NSL1: variants seen among roughly 807,000 people sequenced by gnomAD.
The protein encoded by NSL1 is NSL1 component of MIS12 kinetochore complex.
In NSL1, 11 loss-of-function variants were observed where a neutral mutation model predicts 25.4. The ratio of observed to expected loss-of-function variants is 0.43; its 90% CI spans 0.27 to 0.72. The LOEUF (loss-of-function observed/expected upper bound fraction) is 0.72. NSL1 is among the 30% of genes least tolerant of loss of function. The pLI is 0.19. For synonymous variants in NSL1, 118 were observed against 120.6 expected, an observed-to-expected ratio of 0.98 and a Z score of 0.14; for missense variants, 330 against 342.7, an observed-to-expected ratio of 0.96 and a Z score of 0.29.
Position 212,731,651 on chromosome 1 carries a change from A to T in NSL1, c.*6757T>A, listed in dbSNP as rs1658019953. 2.0e-6 allele frequency: 2 copies of T among 985,298 alleles called. No individual in the cohort carries two copies. Among genetic ancestry groups the T allele is most frequent in the Non-Finnish European group, 1.2e-6 (1 of 829,924 alleles). The allele number at this position is 985,298 out of a possible 1,614,324, so 61.0% of individuals were successfully genotyped here. On this transcript the variant is annotated 3_prime_UTR_variant, in exon 6 of 6. Transcript: ENST00000366977. The stretch of plus-strand genomic sequence containing the variant: ...CAGAGTTAATACTTCCCACTTCGTC[A>T]GCTCTTTATTCTGCTGCACTAAATT...
At chr1:212,756,123 T>C (rs960356584) in intron 4 of NSL1, among the ~76,000 whole-genome samples, 5 of 152,082 alleles carry the variant, frequency 3.3e-5, no homozygotes, top group Admixed American at 6.6e-5. Context: ...AATGCTATCC[T>C]TGTTGGGTTT....
intron 4 of NSL1, among the ~76,000 whole-genome samples, chr1:212,779,897 G>C (rs573348408): frequency 1.4e-5 from 2 of 147,888 alleles, no homozygotes; most frequent in African/African-American, 5.0e-5. Context: ...TCAGCCCCCC[G>C]CCCGAACAGC....
At chr1:212,770,500 AC>A (rs1040426880) in intron 4 of NSL1, among the ~76,000 whole-genome samples, 4 of 152,046 alleles carry the variant, frequency 2.6e-5, no homozygotes, top group South Asian at 2.1e-4. Context: ...AAACAAAAAA[AC>A]CAGAAAATCT....
chr1:212,737,780 TCA>T lies in NSL1; in HGVS notation c.*626_*627del. The T allele has an allele frequency of 1.0e-6, 1 of 985,398 alleles. No individual in the cohort carries two copies. The highest frequency in any genetic ancestry group is 5.2e-4 in the Middle Eastern group (1 of 1,914). The allele number at this position is 985,398 out of a possible 1,614,324, so 61.0% of individuals were successfully genotyped here. A position where few individuals can be genotyped will look rare whatever the true frequency, so the allele number is the denominator to read the frequency against. On this transcript the variant is annotated 3_prime_UTR_variant, in exon 6 of 6. Transcript: ENST00000366977. ...CATTGGCTACATGCCAATTTTTATTTCAAAGAGTAATGTTGCACAAATAATAG... is the reference window on the plus strand; with the variant it reads ...CATTGGCTACATGCCAATTTTTATTTAAGAGTAATGTTGCACAAATAATAG...
At chr1:212,788,952 AGGG>A (rs1048469531) in intron 1 of NSL1, among the ~76,000 whole-genome samples, 2 of 152,188 alleles carry the variant, frequency 1.3e-5, no homozygotes, top group Admixed American at 6.5e-5. Context: ...AGCCACAGAA[AGGG>A]GGTATAGAAA....
chr1:212,730,219 C>T lies in NSL1; in HGVS notation c.*8189G>A, dbSNP rs1255723680. The T allele has an allele frequency of 3.2e-6, 3 of 950,700 alleles. No homozygotes were observed. The highest frequency in any genetic ancestry group is 2.4e-6 in the Non-Finnish European group (2 of 819,194). The allele number at this position is 950,700 out of a possible 1,614,324, so 58.9% of individuals were successfully genotyped here. A position where few individuals can be genotyped will look rare whatever the true frequency, so the allele number is the denominator to read the frequency against. On this transcript the variant is annotated 3_prime_UTR_variant, in exon 6 of 6. Coordinates refer to ENST00000366977, the MANE Select transcript of NSL1 (RefSeq NM_015471.4). ...GAGTTGAGATCGCTCCACTACACTC[C>T]AGCCTGGGTGACAGTCTCAAAAAAA...
chr1:212,748,812 A>G (rs915359543), intron 4 of NSL1, among the ~76,000 whole-genome samples: 2 of 152,176 alleles, frequency 1.3e-5, no homozygotes, highest in Non-Finnish European at 2.9e-5. Context: ...TTTTCAAATA[A>G]TATGTTCAAT....
Position 212,791,776 on chromosome 1 carries a change from C to T in NSL1, c.-13G>A. ...GAGACCCCGCCATTTTTCGTCGGAA[C>T]TGTGGGCGGGGCACTCTGGGAGCGG... On this transcript the variant is annotated 5_prime_UTR_variant, in exon 1 of 6. Transcript: ENST00000366977. 1.2e-6 allele frequency: 2 copies of T among 1,600,224 alleles called. No homozygotes were observed. The highest frequency in any genetic ancestry group is 1.7e-6 in the Non-Finnish European group (2 of 1,171,508).
At chr1:212,769,478 G>GA (rs527394032) in intron 4 of NSL1, among the ~76,000 whole-genome samples, 22 of 152,040 alleles carry the variant, frequency 1.4e-4, no homozygotes, top group South Asian at 8.3e-4. Context: ...AGTGCTGAAA[G>GA]AAAAAAACCT....
chr1:212,778,533 C>T (rs924320087), intron 4 of NSL1, among the ~76,000 whole-genome samples: 2 of 152,134 alleles, frequency 1.3e-5, no homozygotes, highest in African/African-American at 2.4e-5. Context: ...TGAGTGCCTG[C>T]GATTGCAGGC....
At chr1:212,782,555 T>A in intron 3 of NSL1, 129 bp from the exon 4 acceptor site, 1 of 706,684 alleles carries the variant, frequency 1.4e-6, no homozygotes, top group Non-Finnish European at 2.5e-6. Context: ...TAAATCCTAC[T>A]GTCTGTAGGG....
chr1:212,771,300 G>A (rs1012311646), intron 4 of NSL1, among the ~76,000 whole-genome samples: 2 of 152,004 alleles, frequency 1.3e-5, no homozygotes, highest in African/African-American at 2.4e-5. Context: ...GGCAATAAGT[G>A]CAAAACTCCA....
intron 5 of NSL1, among the ~76,000 whole-genome samples, chr1:212,739,142 T>A (rs1163315888): frequency 6.6e-6 from 1 of 152,126 alleles, no homozygotes; most frequent in Non-Finnish European, 1.5e-5. Flanking sequence ...AGCTTCCTCA[T>A]CTACAAAAGA....
chr1:212,732,767 C>T lies in NSL1; in HGVS notation c.*5641G>A, dbSNP rs954289833. ...CACAGCCCCTGGTAGAACCCCCAAACGGGATGCCTTGGAGGTAATTTTTTT... is the reference window on the plus strand; with the variant it reads ...CACAGCCCCTGGTAGAACCCCCAAATGGGATGCCTTGGAGGTAATTTTTTT... On this transcript the variant is annotated 3_prime_UTR_variant, in exon 6 of 6. Coordinates refer to ENST00000366977, the MANE Select transcript of NSL1 (RefSeq NM_015471.4). 1.6e-5 allele frequency: 7 copies of T among 444,458 alleles called. No homozygotes were observed. Among genetic ancestry groups the T allele is most frequent in the East Asian group, 1.6e-4 (1 of 6,394 alleles). 27.5% of individuals were successfully genotyped at this position (444,458 alleles called of 1,614,324 possible).
intron 4 of NSL1, among the ~76,000 whole-genome samples, chr1:212,749,842 G>T (rs1051731323): frequency 1.1e-4 from 16 of 151,236 alleles, no homozygotes; most frequent in African/African-American, 3.7e-4. Flanking sequence ...ATGGAATTAG[G>T]TCCTAGGCTG....
At chr1:212,745,191 T>A (rs944029810) in intron 4 of NSL1, among the ~76,000 whole-genome samples, 12 of 21,454 alleles carry the variant, frequency 5.6e-4, no homozygotes, top group South Asian at 3.2e-3. Context: ...TATATATATA[T>A]ATATATATAT....
intron 4 of NSL1, among the ~76,000 whole-genome samples, chr1:212,761,487 A>G (rs1025766302): frequency 2.6e-5 from 4 of 152,130 alleles, no homozygotes; most frequent in African/African-American, 9.7e-5. Flanking sequence ...AAAAAACACA[A>G]AAATAGCTGG....
At chr1:212,741,882 T>C (rs1360778269) in intron 4 of NSL1, among the ~76,000 whole-genome samples, 2 of 152,190 alleles carry the variant, frequency 1.3e-5, no homozygotes, top group Non-Finnish European at 2.9e-5. Context: ...TAGTCTCATG[T>C]TTCCATGATC....
chr1:212,732,240 G>A lies in NSL1; in HGVS notation c.*6168C>T. ...AAACATCTCCTTTATACAATTTTCT[G>A]CATAGTTAACATTATCACTCGTGTT... On this transcript the variant is annotated 3_prime_UTR_variant, in exon 6 of 6. Coordinates refer to ENST00000366977, the MANE Select transcript of NSL1 (RefSeq NM_015471.4). 1 of 980,282 alleles carries A rather than the reference G, an allele frequency of 1.0e-6. No homozygotes were observed. Among genetic ancestry groups the A allele is most frequent in the Non-Finnish European group, 1.2e-6 (1 of 826,118 alleles). 60.7% of individuals were successfully genotyped at this position (980,282 alleles called of 1,614,324 possible). A position where few individuals can be genotyped will look rare whatever the true frequency, so the allele number is the denominator to read the frequency against.
Sources: allele counts gnomAD v4.1 joint callset (sites outside exome capture counted in the v4.1 genomes callset), GRCh38; gene constraint gnomAD v4.1.1; transcripts MANE v1.5; gene names NCBI Gene and HGNC (gene_info 2026-07-23, HGNC 2026-07-21).